Variants in USP32 observed in about 807,000 individuals in gnomAD.
The protein encoded by USP32 is ubiquitin carboxyl-terminal hydrolase 32.
Under a neutral mutation model 204.8 loss-of-function variants are expected in USP32, and 59 were observed. The observed-to-expected ratio is 0.29, with a 90% confidence interval of 0.23 to 0.36. The LOEUF is 0.36. USP32 is among the 10% of genes least tolerant of loss of function. The pLI is 1.00. For synonymous variants in USP32, 517 were observed against 678.4 expected, an observed-to-expected ratio of 0.76 and a Z score of 3.70; for missense variants, 1,160 against 1,946.4, an observed-to-expected ratio of 0.60 and a Z score of 7.60.
At chr17:60,192,676 C>T (rs1310447984) in intron 28 of USP32, among the ~76,000 whole-genome samples, 168 bp downstream of exon 28, 4 of 152,188 alleles carry the variant, frequency 2.6e-5, no homozygotes, top group Admixed American at 6.5e-5. Flanking sequence ...CCACCCACCT[C>T]GGCTTCCCAA....
At chr17:60,213,181 C>A (rs575274123) in intron 18 of USP32, among the ~76,000 whole-genome samples, 1 of 152,354 alleles carries the variant, frequency 6.6e-6, no homozygotes, top group South Asian at 2.1e-4. Flanking sequence ...ATAGCTCTGT[C>A]AGTGAGTAGC....
intron 1 of USP32, among the ~76,000 whole-genome samples, chr17:60,364,313 TGG>T (rs1300806844): frequency 3.9e-5 from 6 of 152,198 alleles, no homozygotes; most frequent in Non-Finnish European, 2.9e-5. Flanking sequence ...ATGAATTTGG[TGG>T]TATAAGGGAA....
At chr17:60,327,227 A>G (rs1396999702) in intron 2 of USP32, among the ~76,000 whole-genome samples, 1 of 152,202 alleles carries the variant, frequency 6.6e-6, no homozygotes, top group East Asian at 1.9e-4. Flanking sequence ...ACACGTATCT[A>G]AACATCACAC....
At chr17:60,288,072 C>T (rs2087164838) in intron 5 of USP32, among the ~76,000 whole-genome samples, 3 of 144,740 alleles carry the variant, frequency 2.1e-5, no homozygotes, top group African/African-American at 7.8e-5. Flanking sequence ...CGAGATCACA[C>T]CACTGTACTC....
chr17:60,199,371 G>A (rs1232951750), intron 26 of USP32, among the ~76,000 whole-genome samples: 2 of 151,872 alleles, frequency 1.3e-5, no homozygotes, highest in African/African-American at 2.4e-5. Flanking sequence ...TTTAAAATTT[G>A]CTTTGAGTAC....
Position 60,416,350 on chromosome 17 carries a change from G to A in USP32, c.106+5896C>T, listed in dbSNP as rs114517815. 6.8e-3 allele frequency among the ~76,000 whole-genome samples: 1,035 copies of A among 152,278 alleles called. 14 individuals are homozygous for A. Among genetic ancestry groups the A allele is most frequent in the African/African-American group, 0.024 (994 of 41,544 alleles). On this transcript the variant is annotated intron_variant, in intron 1 of 3. Transcript: ENST00000588898. ...TTCGTGAGTTCCATCACATATACTAGGGGATGGAGGTAAAGCATGATGATT... is the reference window on the plus strand; with the variant it reads ...TTCGTGAGTTCCATCACATATACTAAGGGATGGAGGTAAAGCATGATGATT...
At chr17:60,345,447 T>G (rs376674643) in intron 2 of USP32, 34 bp downstream of exon 2, 1 of 1,608,978 alleles carries the variant, frequency 6.2e-7, no homozygotes, top group Non-Finnish European at 8.5e-7. Flanking sequence ...GGTGGATAAC[T>G]ACCTCAAAGG....
At chr17:60,223,631 T>C in intron 13 of USP32, 45 bp from the exon 14 acceptor site, 5 of 1,535,040 alleles carry the variant, frequency 3.3e-6, no homozygotes, top group South Asian at 1.2e-5. Flanking sequence ...TTAGTTATTA[T>C]ACATAAACAG....
chr17:60,380,812 C>T (rs2089634964), intron 1 of USP32, among the ~76,000 whole-genome samples: 1 of 152,134 alleles, frequency 6.6e-6, no homozygotes, highest in Non-Finnish European at 1.5e-5. Context: ...CAAACCAAGG[C>T]TCACCTTCAA....
At chr17:60,230,890 CTG>C (rs2085529498) in intron 12 of USP32, among the ~76,000 whole-genome samples, 1 of 152,120 alleles carries the variant, frequency 6.6e-6, no homozygotes, top group African/African-American at 2.4e-5. Context: ...CTTTTTTTGA[CTG>C]TTCATTTCTG....
intron 2 of USP32, among the ~76,000 whole-genome samples, chr17:60,328,923 A>G (rs2088310130): frequency 6.6e-6 from 1 of 150,868 alleles, no homozygotes; most frequent in Non-Finnish European, 1.5e-5. Context: ...TAGCTCACAC[A>G]CCCCTCCCCA....
chr17:60,384,926 G>T (rs371564004), intron 1 of USP32, among the ~76,000 whole-genome samples: 2 of 152,058 alleles, frequency 1.3e-5, no homozygotes, highest in African/African-American at 2.4e-5. Flanking sequence ...TGGACAACAC[G>T]GCGAAACCCC....
intron 1 of USP32, among the ~76,000 whole-genome samples, chr17:60,362,064 A>T (rs561219262): frequency 6.6e-6 from 1 of 152,184 alleles, no homozygotes; most frequent in African/African-American, 2.4e-5. Flanking sequence ...TGGTGGCTCC[A>T]TATCTTTACT....
chr17:60,306,642 GA>G (rs59409658), intron 2 of USP32, among the ~76,000 whole-genome samples: 12 of 145,564 alleles, frequency 8.2e-5, no homozygotes, highest in African/African-American at 2.3e-4. Context: ...CGTCTCGAAA[GA>G]AAAAAAAAAT....
intron 1 of USP32, among the ~76,000 whole-genome samples, chr17:60,385,926 A>T (rs981960925): frequency 6.6e-6 from 1 of 152,034 alleles, no homozygotes; most frequent in African/African-American, 2.4e-5. Context: ...GAGGGGTGTT[A>T]AGGAAAGGTC....
intron 2 of USP32, among the ~76,000 whole-genome samples, chr17:60,338,049 C>T (rs1014466760): frequency 1.3e-5 from 2 of 152,150 alleles, no homozygotes; most frequent in East Asian, 3.8e-4. Flanking sequence ...GCAGGCAAGG[C>T]GTGGTGGCTC....
At chr17:60,400,815 G>A (rs748096706) in intron 1 of USP32, among the ~76,000 whole-genome samples, 9 of 152,068 alleles carry the variant, frequency 5.9e-5, no homozygotes, top group Non-Finnish European at 1.0e-4. Context: ...GTGGCCAGGG[G>A]TTTGAGACCA....
In USP32 at chr17:60,310,572, G is replaced by A. The variant is rs192902066; in HGVS notation, c.187-8868C>T. On this transcript the variant is annotated intron_variant, in intron 2 of 33. Coordinates refer to ENST00000300896, the MANE Select transcript of USP32 (RefSeq NM_032582.4). Reference sequence around the variant, plus strand: ...AAATTAGCTGGGCGTGGTGGCACGCGCCTATAGTCCCAGCTACTTGGGAGG... The same window carrying A: ...AAATTAGCTGGGCGTGGTGGCACGCACCTATAGTCCCAGCTACTTGGGAGG... Among the ~76,000 whole-genome samples, 322 of 152,074 alleles carry A rather than the reference G, an allele frequency of 2.1e-3. 1 individual carries two copies. Among genetic ancestry groups the A allele is most frequent in the African/African-American group, 7.4e-3 (306 of 41,486 alleles).
In USP32 at chr17:60,276,946, C is replaced by CATATAT. The variant is rs35211470; in HGVS notation, c.572-5471_572-5466dup. On this transcript the variant is annotated intron_variant, in intron 5 of 33. Transcript: ENST00000300896. ...AGCAAGCTAAAGTAGATTACATATA[C>CATATAT]ATATATATATATATATATATAAAAT... Among the ~76,000 whole-genome samples the CATATAT allele has an allele frequency of 9.6e-3, 1,347 of 140,744 alleles. 19 individuals are homozygous for CATATAT. The highest frequency in any genetic ancestry group is 0.033 in the African/African-American group (1,189 of 36,044). 92.3% of individuals were successfully genotyped at this position (140,744 alleles called of 152,430 possible). A position where few individuals can be genotyped will look rare whatever the true frequency, so the allele number is the denominator to read the frequency against.
Sources: gnomAD v4.1 joint callset for allele counts (sites outside exome capture counted in the v4.1 genomes callset) on GRCh38, gnomAD v4.1.1 for gene constraint, MANE v1.5 for transcripts, NCBI Gene and HGNC (gene_info 2026-07-23, HGNC 2026-07-21) for gene names.